The following SCAPER variants were observed in gnomAD, a reference collection of about 807,000 sequenced individuals.
The protein encoded by SCAPER is S phase cyclin A-associated protein in the endoplasmic reticulum.
A neutral mutation model predicts 182.2 loss-of-function variants in SCAPER; 98 were observed. The ratio of observed to expected loss-of-function variants is 0.54; its 90% CI spans 0.46 to 0.64. The LOEUF is 0.64. Among genes scored for constraint, SCAPER ranks in the 30% least tolerant of loss-of-function variants. The pLI is 0.00. For synonymous variants in SCAPER, 605 were observed against 564.6 expected, an observed-to-expected ratio of 1.07 and a Z score of -1.01; for missense variants, 1,432 against 1,690.0, an observed-to-expected ratio of 0.85 and a Z score of 2.68.
At chr15:76,394,759 T>G (rs1372662565) in intron 27 of SCAPER, among the ~76,000 whole-genome samples, 1 of 152,214 alleles carries the variant, frequency 6.6e-6, no homozygotes, top group African/African-American at 2.4e-5. Flanking sequence ...CTGAGATATT[T>G]TGATACGAGC....
chr15:76,399,962 G>A (rs1436302954), intron 27 of SCAPER, among the ~76,000 whole-genome samples: 2 of 148,090 alleles, frequency 1.4e-5, no homozygotes, highest in African/African-American at 5.0e-5. Flanking sequence ...CCGAGATGGC[G>A]CCACTGCACT....
chr15:76,428,893 T>TATAA (rs561331843), intron 26 of SCAPER, among the ~76,000 whole-genome samples: 10 of 139,576 alleles, frequency 7.2e-5, no homozygotes, highest in African/African-American at 2.4e-4. Flanking sequence ...TATATATATA[T>TATAA]AAACATCAAA....
intron 23 of SCAPER, among the ~76,000 whole-genome samples, chr15:76,528,750 CTT>C (rs983988271): frequency 8.5e-5 from 13 of 152,158 alleles, no homozygotes; most frequent in African/African-American, 3.1e-4. Flanking sequence ...AAAATGCAAA[CTT>C]TATCACTTCA....
At chr15:76,609,904 C>T (rs1431181931) in intron 22 of SCAPER, among the ~76,000 whole-genome samples, 2 of 152,086 alleles carry the variant, frequency 1.3e-5, no homozygotes, top group East Asian at 3.8e-4. Context: ...TGTGGAAGAG[C>T]ATGGCTAATG....
At chr15:76,503,868 G>A (rs570149685) in intron 24 of SCAPER, among the ~76,000 whole-genome samples, 1 of 151,990 alleles carries the variant, frequency 6.6e-6, no homozygotes, top group Admixed American at 6.6e-5. Context: ...GTATCCAATG[G>A]ACAAATGAAG....
At chr15:76,450,263 A>G (rs1193163583) in intron 25 of SCAPER, among the ~76,000 whole-genome samples, 4 of 152,230 alleles carry the variant, frequency 2.6e-5, no homozygotes, top group Non-Finnish European at 1.5e-5. Context: ...ATATAAGGAA[A>G]GCAAATCAAT....
At chr15:76,809,898 T>A (rs960567779) in intron 5 of SCAPER, among the ~76,000 whole-genome samples, 1 of 152,120 alleles carries the variant, frequency 6.6e-6, no homozygotes, top group African/African-American at 2.4e-5. Flanking sequence ...CCCATAACAC[T>A]ATCAGTAGAT....
chr15:76,484,183 CAG>C (rs2051394641), intron 24 of SCAPER, among the ~76,000 whole-genome samples: 1 of 152,002 alleles, frequency 6.6e-6, no homozygotes, highest in Admixed American at 6.6e-5. Flanking sequence ...TATCAAGACA[CAG>C]AGAGACATGA....
At chr15:76,742,394 C>T (rs1426003379) in intron 15 of SCAPER, among the ~76,000 whole-genome samples, 4 of 70,174 alleles carry the variant, frequency 5.7e-5, no homozygotes, top group Admixed American at 1.9e-4. Flanking sequence ...TAAAAAAAAA[C>T]AATTCCAAGA....
In SCAPER at chr15:76,600,630, AGTAGAGACAGG is replaced by A. The variant is rs941555477; in HGVS notation, c.2711+21123_2711+21133del. On this transcript the variant is annotated intron_variant, in intron 22 of 31. Coordinates refer to ENST00000563290, the MANE Select transcript of SCAPER (RefSeq NM_020843.4). ...ATGCCTGGCTAATTTTTGTATTTTT[AGTAGAGACAGG>A]GTTTCCCCATTTTGGCCATACTGGT... 1.3e-4 allele frequency among the ~76,000 whole-genome samples: 15 copies of A among 118,176 alleles called. 4 individuals carry two copies. Among genetic ancestry groups the A allele is most frequent in the South Asian group, 8.0e-4 (3 of 3,748 alleles). 77.5% of individuals were successfully genotyped at this position (118,176 alleles called of 152,430 possible).
intron 3 of SCAPER, among the ~76,000 whole-genome samples, chr15:76,859,800 C>T (rs538404728): frequency 3.9e-4 from 60 of 152,124 alleles, no homozygotes; most frequent in African/African-American, 1.3e-3. Flanking sequence ...GGCGCGATCT[C>T]GGCTCACTGC....
intron 22 of SCAPER, among the ~76,000 whole-genome samples, chr15:76,605,879 T>C (rs546428722): frequency 3.9e-5 from 6 of 152,348 alleles, no homozygotes; most frequent in South Asian, 2.1e-4. Flanking sequence ...ATCCCCTTTA[T>C]CTTTTTTTAT....
intron 5 of SCAPER, among the ~76,000 whole-genome samples, chr15:76,833,984 AT>A (rs1399147854): frequency 6.6e-6 from 1 of 152,230 alleles, no homozygotes; most frequent in African/African-American, 2.4e-5. Context: ...AAGGACCTAA[AT>A]TGACACTTGA....
intron 2 of SCAPER, among the ~76,000 whole-genome samples, chr15:76,881,204 T>C (rs929805233): frequency 2.6e-5 from 4 of 152,228 alleles, no homozygotes; most frequent in Non-Finnish European, 5.9e-5. Flanking sequence ...CAAGCGATTC[T>C]CATGCCTCAG....
At chr15:76,509,379 T>C (rs946469709) in intron 23 of SCAPER, among the ~76,000 whole-genome samples, 9 of 152,194 alleles carry the variant, frequency 5.9e-5, no homozygotes, top group African/African-American at 1.9e-4. Flanking sequence ...CCATGTCTAG[T>C]TAGGTTCTCA....
intron 24 of SCAPER, among the ~76,000 whole-genome samples, chr15:76,494,283 T>C (rs925625195): frequency 6.6e-6 from 1 of 152,238 alleles, no homozygotes; most frequent in Non-Finnish European, 1.5e-5. Context: ...TTAGACTTCA[T>C]TGCTGGATCT....
intron 21 of SCAPER, among the ~76,000 whole-genome samples, chr15:76,655,704 G>A (rs891799476): frequency 1.6e-4 from 24 of 152,210 alleles, no homozygotes; most frequent in African/African-American, 5.8e-4. Flanking sequence ...CAGGCTAACA[G>A]TGGATCTTTC....
intron 24 of SCAPER, among the ~76,000 whole-genome samples, chr15:76,496,949 A>G (rs186127263): frequency 2.6e-5 from 4 of 152,108 alleles, no homozygotes; most frequent in African/African-American, 7.2e-5. Context: ...TATTTTAAGT[A>G]AAAAGAGCCA....
Position 76,728,757 on chromosome 15 carries a change from T to C in SCAPER, c.2023-20A>G, listed in dbSNP as rs937932591. 14 of 1,596,012 alleles carry C rather than the reference T, an allele frequency of 8.8e-6. No homozygotes were observed. In the African/African-American group the frequency reaches 1.8e-4, roughly 20 times the overall value. ...GCGTTCCTAATGTTAGAAATATTTG[T>C]TTCCAATATTAGAATTATGTGTAAA... On this transcript the variant is annotated intron_variant, in intron 16 of 31. Coordinates refer to ENST00000563290, the MANE Select transcript of SCAPER (RefSeq NM_020843.4).
Sources: allele counts gnomAD v4.1 joint callset (sites outside exome capture counted in the v4.1 genomes callset), GRCh38; gene constraint gnomAD v4.1.1; transcripts MANE v1.5; gene names NCBI Gene and HGNC (gene_info 2026-07-23, HGNC 2026-07-21).